Variants in ITGA10 observed in about 807,000 individuals in gnomAD.
The protein encoded by ITGA10 is integrin subunit alpha 10, also known as integrin alpha-10.
A neutral mutation model predicts 145.2 loss-of-function variants in ITGA10; 105 were observed. The ratio of observed to expected loss-of-function variants is 0.72; its 90% CI spans 0.62 to 0.85. The LOEUF (loss-of-function observed/expected upper bound fraction) is 0.85, where lower values mean the gene tolerates loss of function less well. Ranked by LOEUF, ITGA10 falls within the 40% of genes least tolerant of loss-of-function variation. The pLI, the probability that ITGA10 is intolerant of heterozygous loss-of-function variation, is 0.00. For synonymous variants in ITGA10, 506 were observed against 557.8 expected (o/e 0.91, Z 1.31); for missense variants, 1,317 against 1,444.5 (o/e 0.91, Z 1.43).
intron 9 of ITGA10, 23 bp from the exon 10 acceptor site, chr1:145,902,342 G>A: frequency 1.9e-6 from 3 of 1,613,094 alleles, no homozygotes; most frequent in Non-Finnish European, 2.5e-6. Context: ...AAAACATTGA[G>A]ACAATATCAG....
chr1:145,907,226 G>C, intron 2 of ITGA10, 76 bp from the exon 3 acceptor site: 2 of 1,576,340 alleles, frequency 1.3e-6, no homozygotes, highest in Non-Finnish European at 1.7e-6. Context: ...AAAGAGCATG[G>C]AGGTGGTAAG....
At position 145,897,561 on chromosome 1, in the gene ITGA10, A is replaced by G; in HGVS notation, c.2525T>C (p.Leu842Pro). 1 of 1,614,154 alleles carries G rather than the reference A, an allele frequency of 6.2e-7. No individual in the cohort carries two copies. Among genetic ancestry groups the G allele is most frequent in the Non-Finnish European group, 8.5e-7 (1 of 1,180,012 alleles). Residue 842 changes from leucine (L) to proline (P), a missense_variant, in exon 20 of 30, where the codon CTG (leucine) becomes CCG (proline). Physicochemically the swap from Leu to Pro is moderately conservative, Grantham distance 98. Coordinates refer to ENST00000369304, the MANE Select transcript of ITGA10 (RefSeq NM_003637.5). ...NRKENAYNTS[L>P]SLIFSRNLHL... Reference sequence around the variant, plus strand: ...GAGGTTTCTAGAGAAGATGAGACTCAGGCTCGTATTGTAAGCATTTTCCTT... The same window carrying G: ...GAGGTTTCTAGAGAAGATGAGACTCGGGCTCGTATTGTAAGCATTTTCCTT...
In ITGA10 at chr1:145,895,325, G is replaced by C; in HGVS notation, c.3183C>G (p.Val1061=). Residue 1061 remains valine (V), a synonymous_variant, in exon 27 of 30, where the codon GTC becomes GTG. Coordinates refer to ENST00000369304, the MANE Select transcript of ITGA10 (RefSeq NM_003637.5). ...GAACCAGCCTCAATAGTCCAACAGA[G>C]ACCTCAGTCCCCTTTGCCAGCTGCC... is the stretch of plus-strand genomic sequence containing the variant. ...HLGQLAKGTE[V]SVGLLRLVHN... 1 of 1,614,088 alleles carries C rather than the reference G, an allele frequency of 6.2e-7. No homozygotes were observed. Among genetic ancestry groups the C allele is most frequent in the Non-Finnish European group, 8.5e-7 (1 of 1,179,986 alleles).
In ITGA10 at chr1:145,901,817, C is replaced by A; in HGVS notation, c.1294+60G>T. 6.2e-7 allele frequency: 1 copy of A among 1,604,242 alleles called. No homozygotes were observed. Among genetic ancestry groups the A allele is most frequent in the Non-Finnish European group, 8.5e-7 (1 of 1,173,156 alleles). On this transcript the variant is annotated intron_variant, in intron 11 of 29. Transcript: ENST00000369304. This position sits in a 1 kb window ranked among gnomAD's most constrained non-coding sequence, Gnocchi z 4.3. The stretch of plus-strand genomic sequence containing the variant: ...AAGAGGGAGTATTTCATACCCGCCC[C>A]CACTAGGGATGTATTTCCTCCCCTA...
chr1:145,906,583 T>C, intron 4 of ITGA10, 75 bp from the exon 5 acceptor site: 1 of 1,370,966 alleles, frequency 7.3e-7, no homozygotes, highest in Non-Finnish European at 1.0e-6. Flanking sequence ...GAAGGAGGCA[T>C]GAAGACTACT....
In ITGA10 at chr1:145,903,098, G is replaced by A. The variant is rs4384171; in HGVS notation, c.759-137C>T. The A allele has an allele frequency of 3.2e-3, 2,615 of 826,584 alleles. 47 individuals are homozygous for A. In the African/African-American group the frequency reaches 0.04, roughly 13 times the overall value. The allele number at this position is 826,584 out of a possible 1,614,324, so 51.2% of individuals were successfully genotyped here. A position where few individuals can be genotyped will look rare whatever the true frequency, so the allele number is the denominator to read the frequency against. Reference sequence around the variant, plus strand: ...TAACATCAGCACTTCCCTGAGGTCAGGCATCTTGCCTTTTAGGCCATTTCC... The same window carrying A: ...TAACATCAGCACTTCCCTGAGGTCAAGCATCTTGCCTTTTAGGCCATTTCC... On this transcript the variant is annotated intron_variant, in intron 7 of 29. Transcript: ENST00000369304.
At chr1:145,902,708 G>T in intron 8 of ITGA10, 89 bp from the exon 9 acceptor site, 1 of 1,539,278 alleles carries the variant, frequency 6.5e-7, no homozygotes, top group Non-Finnish European at 8.8e-7. Flanking sequence ...CTGGGAAGTA[G>T]TTAATGCCCT....
intron 15 of ITGA10, 112 bp downstream of exon 15, chr1:145,899,945 A>T (rs1174278523): frequency 5.7e-6 from 6 of 1,047,050 alleles, no homozygotes; most frequent in Non-Finnish European, 8.3e-6. Context: ...CTAAGAATGG[A>T]GGCACAGAGT....
chr1:145,902,291 A>G lies in ITGA10; in HGVS notation c.1104T>C (p.Phe368=). 6.2e-7 allele frequency: 1 copy of G among 1,614,188 alleles called. No individual in the cohort carries two copies. Among genetic ancestry groups the G allele is most frequent in the Non-Finnish European group, 8.5e-7 (1 of 1,180,032 alleles). Residue 368 remains phenylalanine, a synonymous_variant, in exon 10 of 30, where the codon TTT becomes TTC. Coordinates refer to ENST00000369304, the MANE Select transcript of ITGA10 (RefSeq NM_003637.5). ...EGSHAENESS[F]GLEMSQIGFS... ...AACCAATCTGAGACATTTCCAGCCC[A>G]AAGGAGCTTTCGTTTTCTGCATGGG...
At chr1:145,902,652 T>TA (rs1553749404) in intron 8 of ITGA10, 33 bp from the exon 9 acceptor site, 4 of 1,573,506 alleles carry the variant, frequency 2.5e-6, no homozygotes, top group Non-Finnish European at 3.4e-6. Flanking sequence ...AATGAGGCAT[T>TA]AGAGTTGGTA....
In ITGA10 at chr1:145,900,966, G is replaced by A; in HGVS notation, c.1615C>T (p.Leu539Phe). The change falls in exon 14 of 30, where the codon CTT (leucine) becomes TTT (phenylalanine). Residue 539 changes from leucine (L) to phenylalanine (F), a missense_variant. Leu to Phe is a conservative substitution (Grantham distance 22, BLOSUM62 0). Coordinates refer to ENST00000369304, the MANE Select transcript of ITGA10 (RefSeq NM_003637.5). ...QQSLLTLQGT[L>F]QPEPPQDARF... ...GCATCCTGGGGGGGTTCTGGCTGAA[G>A]TGTTCCTTGGAGGGTCAGCAAGGAC... 6.2e-7 allele frequency: 1 copy of A among 1,614,132 alleles called. No homozygotes were observed. The highest frequency in any genetic ancestry group is 1.7e-5 in the Admixed American group (1 of 60,018).
intron 24 of ITGA10, 45 bp downstream of exon 24, chr1:145,896,223 G>T (rs782613439): frequency 3.3e-6 from 5 of 1,533,920 alleles, no homozygotes; most frequent in South Asian, 2.2e-5. Context: ...CAAAGCTGTT[G>T]TTCCCCCACA....
intron 6 of ITGA10, 31 bp downstream of exon 6, chr1:145,904,653 A>C: frequency 6.2e-7 from 1 of 1,612,128 alleles, no homozygotes; most frequent in Middle Eastern, 1.7e-4. Flanking sequence ...GCCACAAGCA[A>C]CTGTGCCCAG....
Position 145,899,130 on chromosome 1 carries a change from A to G in ITGA10, c.2089+45T>C, listed in dbSNP as rs782037126. The G allele has an allele frequency of 5.0e-6, 8 of 1,614,262 alleles. No homozygotes were observed. The African/African-American group carries it at 9.3e-5, about 19-fold the overall frequency. On this transcript the variant is annotated intron_variant, in intron 16 of 29. Coordinates refer to ENST00000369304, the MANE Select transcript of ITGA10 (RefSeq NM_003637.5). The stretch of plus-strand genomic sequence containing the variant: ...TGGAAAGGGGTCTAGTGAGGAAGGC[A>G]TGCAAGGAATTGAGAGTTGCCTGTG...
At chr1:145,909,851 G>T in intron 1 of ITGA10, 112 bp downstream of exon 1, 1 of 874,884 alleles carries the variant, frequency 1.1e-6, no homozygotes, top group Non-Finnish European at 1.9e-6. Flanking sequence ...TGTACAACCA[G>T]TGTTCGCTTC....
At position 145,901,892 on chromosome 1, in the gene ITGA10, G is replaced by C. The variant is rs1656374716; in HGVS notation, c.1279C>G (p.His427Asp). 4 of 1,614,150 alleles carry C rather than the reference G, an allele frequency of 2.5e-6. No individual in the cohort carries two copies. The highest frequency in any genetic ancestry group is 3.4e-6 in the Non-Finnish European group (4 of 1,180,012). ...TGCTGCTCACCCAGGTAGGCTGCAT[G>C]GTTCTGCAATGCAGGGGGGAACTCG... ...EDEFPPALQNHAAYLGYSVSS... is the reference protein window; with the variant it reads ...EDEFPPALQNDAAYLGYSVSS... The change falls in exon 11 of 30, where the codon CAT (histidine) becomes GAT (aspartate). Residue 427 changes from histidine to aspartate, a missense_variant. By Grantham distance (81) the His-to-Asp change is moderately conservative. Coordinates refer to ENST00000369304, the MANE Select transcript of ITGA10 (RefSeq NM_003637.5). The surrounding 1 kb of genome is among the most constrained non-coding windows in gnomAD (Gnocchi z 4.3).
Position 145,900,111 on chromosome 1 carries a change from C to T in ITGA10, c.1868G>A (p.Gly623Glu). 3 of 1,613,952 alleles carry T rather than the reference C, an allele frequency of 1.9e-6. No individual in the cohort carries two copies. Among genetic ancestry groups the T allele is most frequent in the Non-Finnish European group, 2.5e-6 (3 of 1,179,934 alleles). ...RSVDGRLDLD[G>E]DDLVDVAVGA... ...CACAGCCACATCGACCAGATCATCT[C>T]CATCCAGATCTAGCCGACCATCCAC... Residue 623 changes from glycine (G) to glutamate (E), a missense_variant, in exon 15 of 30, where the codon GGA (glycine) becomes GAA (glutamate). By Grantham distance (98) the Gly-to-Glu change is moderately conservative. Coordinates refer to ENST00000369304, the MANE Select transcript of ITGA10 (RefSeq NM_003637.5).
chr1:145,895,132 C>T, intron 27 of ITGA10, 148 bp downstream of exon 27: 1 of 589,440 alleles, frequency 1.7e-6, no homozygotes, highest in Non-Finnish European at 3.1e-6. Flanking sequence ...GAAAAAGAGG[C>T]TTAGAGAGAT....
In ITGA10 at chr1:145,902,800, T is replaced by C; in HGVS notation, c.909+11A>G. 2 of 1,600,928 alleles carry C rather than the reference T, an allele frequency of 1.2e-6. No homozygotes were observed. Among genetic ancestry groups the C allele is most frequent in the Non-Finnish European group, 1.7e-6 (2 of 1,173,768 alleles). On this transcript the variant is annotated intron_variant, in intron 8 of 29. Coordinates refer to ENST00000369304, the MANE Select transcript of ITGA10 (RefSeq NM_003637.5). The stretch of plus-strand genomic sequence containing the variant: ...CTCCCCAACTCTTCCAGATCCAGGG[T>C]GAATTCTCACTGCAATCCCATAGCG...
Sources: gnomAD v4.1 joint callset for allele counts on GRCh38, gnomAD v4.1.1 for gene constraint, Gnocchi (gnomAD v3.1) non-coding constraint, MANE v1.5 for transcripts, NCBI Gene and HGNC (gene_info 2026-07-23, HGNC 2026-07-21) for gene names.